The following FEZ1 variants were observed in gnomAD, a reference collection of about 807,000 sequenced individuals.
FEZ1 encodes fasciculation and elongation protein zeta-1.
FEZ1 carries 20 observed loss-of-function variants against 49.3 expected under a neutral mutation model. That is an observed-to-expected ratio of 0.41 (90% CI 0.29 to 0.59). FEZ1 has a LOEUF of 0.59. FEZ1 is among the 20% of genes least tolerant of loss of function. The pLI, the probability that FEZ1 is intolerant of heterozygous loss-of-function variation, is 0.36. For synonymous variants in FEZ1, 170 were observed against 180.9 expected (o/e 0.94, Z 0.48); for missense variants, 413 against 476.0 (o/e 0.87, Z 1.23).
Position 125,489,493 on chromosome 11 carries a change from CTCT to C in FEZ1, c.282_284del (p.Glu98del), listed in dbSNP as rs753332255. 1 of 1,613,834 alleles carries C rather than the reference CTCT, an allele frequency of 6.2e-7. No homozygotes were observed. Among genetic ancestry groups the C allele is most frequent in the Non-Finnish European group, 8.5e-7 (1 of 1,179,886 alleles). On this transcript the variant is annotated inframe_deletion, in exon 2 of 10. Coordinates refer to ENST00000278919, the MANE Select transcript of FEZ1 (RefSeq NM_005103.5). This position sits in a 1 kb window ranked among gnomAD's most constrained non-coding sequence, Gnocchi z 4.2. Reference sequence around the variant, plus strand: ...CCTCGTCCTGAAGGGTCTCCTCCTCCTCTTGGATCTGTAACTGGTTCTTCACGG... The same window carrying C: ...CCTCGTCCTGAAGGGTCTCCTCCTCCTGGATCTGTAACTGGTTCTTCACGG...
intron 2 of FEZ1, among the ~76,000 whole-genome samples, chr11:125,484,547 A>C (rs1280925891): frequency 1.3e-5 from 2 of 151,866 alleles, no homozygotes; most frequent in Non-Finnish European, 2.9e-5. Flanking sequence ...CCACACCTGT[A>C]ATCTCAGCTA....
At chr11:125,448,638 C>T (rs1442305934) in intron 8 of FEZ1, 71 bp from the exon 9 acceptor site, 5 of 916,696 alleles carry the variant, frequency 5.5e-6, no homozygotes, top group Non-Finnish European at 9.1e-6. Context: ...GCCACATGAC[C>T]CACCAGCCCA....
Position 125,489,120 on chromosome 11 carries a change from A to G in FEZ1, c.311+347T>C, listed in dbSNP as rs1957356146. The G allele has an allele frequency of 1.0e-6, 1 of 1,004,286 alleles. No homozygotes were observed. The highest frequency in any genetic ancestry group is 1.0e-4 in the East Asian group (1 of 10,010). 62.2% of individuals were successfully genotyped at this position (1,004,286 alleles called of 1,614,324 possible). On this transcript the variant is annotated intron_variant, in intron 2 of 9. Transcript: ENST00000278919. The surrounding 1 kb of genome is among the most constrained non-coding windows in gnomAD (Gnocchi z 4.2). ...AACATAGATTCATCCATCATGGTTA[A>G]TTAATTTTTTCTGGCCTTTATTTCT...
Position 125,446,104 on chromosome 11 carries a change from G to A in FEZ1, c.1170C>T (p.Cys390=). The part of the protein sequence containing the change: ...LLTDYILKVL[C]PT The stretch of plus-strand genomic sequence containing the variant: ...GCTCCAAAGGGCAAGGTTAGGTAGG[G>A]CAGAGCACTGCAACGAGAAGAGAGG... Residue 390 remains cysteine (C), a synonymous_variant, in exon 10 of 10, where the codon TGC becomes TGT. Transcript: ENST00000278919. The A allele has an allele frequency of 6.2e-7, 1 of 1,614,016 alleles. No individual in the cohort carries two copies. The highest frequency in any genetic ancestry group is 8.5e-7 in the Non-Finnish European group (1 of 1,179,900).
Position 125,495,311 on chromosome 11 carries a change from G to T in FEZ1, c.-46+810C>A. The T allele has an allele frequency of 2.2e-6, 1 of 460,264 alleles. No individual in the cohort carries two copies. Among genetic ancestry groups the T allele is most frequent in the Non-Finnish European group, 4.5e-6 (1 of 220,028 alleles). The allele number at this position is 460,264 out of a possible 1,614,324, so 28.5% of individuals were successfully genotyped here. On this transcript the variant is annotated intron_variant, in intron 1 of 9. Transcript: ENST00000278919. This position sits in a 1 kb window ranked among gnomAD's most constrained non-coding sequence, Gnocchi z 4.2. ...CGGCCAAACAAGCCCGGACACGGGA[G>T]AGGGATGAGAGTCGGGGATGCCTAG...
intron 1 of FEZ1, among the ~76,000 whole-genome samples, chr11:125,494,432 T>C (rs757361286): frequency 6.6e-5 from 10 of 152,244 alleles, no homozygotes; most frequent in Non-Finnish European, 1.3e-4. Flanking sequence ...TTTTCCATCC[T>C]GGCAAGCTTG....
intron 3 of FEZ1, among the ~76,000 whole-genome samples, chr11:125,466,883 T>C (rs1318803058): frequency 6.6e-6 from 1 of 152,166 alleles, no homozygotes; most frequent in Non-Finnish European, 1.5e-5. Flanking sequence ...TTTTACAGCA[T>C]ATTTAGCCCT....
At chr11:125,455,697 C>A (rs746912437) in intron 6 of FEZ1, 138 bp downstream of exon 6, 4 of 853,870 alleles carry the variant, frequency 4.7e-6, no homozygotes, top group Non-Finnish European at 4.0e-6. Context: ...CCTTTCTGAC[C>A]CCCTGTCTGT....
intron 3 of FEZ1, among the ~76,000 whole-genome samples, chr11:125,469,925 G>C (rs1957169076): frequency 6.6e-6 from 1 of 151,494 alleles, no homozygotes; most frequent in Non-Finnish European, 1.5e-5. Flanking sequence ...GTAGAGATGG[G>C]GCTGGTCACA....
At chr11:125,477,055 G>T (rs191909477) in intron 3 of FEZ1, among the ~76,000 whole-genome samples, 1 of 151,918 alleles carries the variant, frequency 6.6e-6, no homozygotes, top group African/African-American at 2.4e-5. Flanking sequence ...TAACTGGGAT[G>T]TTTTCAAGAA....
chr11:125,443,703 A>G lies in FEZ1; in HGVS notation c.*2392T>C, dbSNP rs7930295. ...GGAAGAACACAGGGAAGGGCAATGC[A>G]AAACCATGAGGAATTGATTTCATAT... is the stretch of plus-strand genomic sequence containing the variant. On this transcript the variant is annotated 3_prime_UTR_variant, in exon 10 of 10. Coordinates refer to ENST00000278919, the MANE Select transcript of FEZ1 (RefSeq NM_005103.5). Among the ~76,000 whole-genome samples the G allele has an allele frequency of 0.14, 21,255 of 152,164 alleles. 1,614 individuals carry two copies. The highest frequency in any genetic ancestry group is 0.28 in the East Asian group (1,451 of 5,168).
intron 9 of FEZ1, among the ~76,000 whole-genome samples, chr11:125,446,629 T>G (rs967725195): frequency 7.2e-6 from 1 of 138,126 alleles, no homozygotes; most frequent in African/African-American, 2.6e-5. Flanking sequence ...ACCCTTTCTG[T>G]GGTTTTTTGT....
At chr11:125,457,492 G>A (rs796076532) in intron 5 of FEZ1, among the ~76,000 whole-genome samples, 2 of 28,458 alleles carry the variant, frequency 7.0e-5, no homozygotes, top group African/African-American at 1.1e-4. Flanking sequence ...ACATATATGT[G>A]TATATATGTA....
At chr11:125,483,334 T>C (rs1957301153) in intron 2 of FEZ1, among the ~76,000 whole-genome samples, 1 of 152,136 alleles carries the variant, frequency 6.6e-6, no homozygotes, top group South Asian at 2.1e-4. Flanking sequence ...GAAAACACAA[T>C]GTAATGGCAG....
intron 6 of FEZ1, chr11:125,454,411 T>C: frequency 2.3e-6 from 1 of 432,214 alleles, no homozygotes; most frequent in East Asian, 3.6e-5. Flanking sequence ...TCAAGAACTC[T>C]TATCTTAGTA....
At position 125,454,154 on chromosome 11, in the gene FEZ1, A is replaced by C; in HGVS notation, c.996T>G (p.Phe332Leu). The C allele has an allele frequency of 6.2e-7, 1 of 1,613,510 alleles. No individual in the cohort carries two copies. The highest frequency in any genetic ancestry group is 8.5e-7 in the Non-Finnish European group (1 of 1,179,716). ...CCTGTTTGTCAGTTCCTGAGGAGCC[A>C]AAGGTCTGGCGGATGCCACTCTGCA... ...NILQSGIRQT[F>L]GSSGTDKQYL... is the part of the protein sequence containing the mutation. Residue 332 changes from phenylalanine (F) to leucine (L), a missense_variant, in exon 7 of 10, where the codon TTT becomes TTG. Phe to Leu is a conservative substitution (Grantham distance 22). Transcript: ENST00000278919.
intron 8 of FEZ1, among the ~76,000 whole-genome samples, chr11:125,450,300 G>C (rs1322498570): frequency 7.2e-5 from 11 of 152,194 alleles, no homozygotes; most frequent in Admixed American, 7.2e-4. Context: ...AAAGTGCTGG[G>C]ATTACAGGCG....
intron 3 of FEZ1, among the ~76,000 whole-genome samples, chr11:125,470,353 A>G (rs1218414318): frequency 6.6e-6 from 1 of 152,264 alleles, no homozygotes; most frequent in South Asian, 2.1e-4. Flanking sequence ...AGACTTTTCC[A>G]TCGAGCTGAA....
At chr11:125,460,722 G>A in intron 4 of FEZ1, 56 bp from the exon 5 acceptor site, 1 of 1,520,452 alleles carries the variant, frequency 6.6e-7, no homozygotes, top group Non-Finnish European at 9.0e-7. Context: ...GGGGCATTCT[G>A]GCTTGAATTT....
Sources: gnomAD v4.1 joint callset for allele counts (sites outside exome capture counted in the v4.1 genomes callset) on GRCh38, gnomAD v4.1.1 for gene constraint, Gnocchi (gnomAD v3.1) non-coding constraint, MANE v1.5 for transcripts, NCBI Gene and HGNC (gene_info 2026-07-23, HGNC 2026-07-21) for gene names.